The following ZZZ3 variants were observed in gnomAD, a reference collection of about 807,000 sequenced individuals.
ZZZ3 encodes ZZ-type zinc finger-containing protein 3.
ZZZ3 carries 22 observed loss-of-function variants against 95.2 expected under a neutral mutation model. The ratio of observed to expected loss-of-function variants is 0.23; its 90% CI spans 0.17 to 0.33. ZZZ3 has a LOEUF of 0.33. Ranked by LOEUF, ZZZ3 falls within the 10% of genes least tolerant of loss-of-function variation. ZZZ3 has a pLI of 1.00. For missense variants in ZZZ3, 885 were observed against 1,066.5 expected (o/e 0.83, Z 2.37); for synonymous variants, 335 against 358.9 (o/e 0.93, Z 0.75).
In ZZZ3 at chr1:77,566,139, G is replaced by A; in HGVS notation, c.2509C>T (p.His837Tyr). 1.9e-6 allele frequency: 3 copies of A among 1,613,312 alleles called. No individual in the cohort carries two copies. Among genetic ancestry groups the A allele is most frequent in the Non-Finnish European group, 2.5e-6 (3 of 1,179,552 alleles). Reference protein sequence around the residue: ...GIEPIQGVRWHCQDCPPEMSL... With the variant: ...GIEPIQGVRWYCQDCPPEMSL... ...ATTTCTGGAGGACAATCCTGGCAAT[G>A]CCACCGAACACCCTGGATGGGTTCT... Residue 837 changes from histidine (H) to tyrosine (Y), a missense_variant, in exon 14 of 15, where the codon CAT (histidine) becomes TAT (tyrosine). His to Tyr is a moderately conservative substitution (Grantham distance 83). Coordinates refer to ENST00000370801, the MANE Select transcript of ZZZ3 (RefSeq NM_015534.6).
chr1:77,618,767 G>A (rs1666578028), intron 5 of ZZZ3, among the ~76,000 whole-genome samples: 1 of 152,100 alleles, frequency 6.6e-6, no homozygotes, highest in African/African-American at 2.4e-5. Context: ...GCTTAAAGAA[G>A]TTATTTACTA....
At chr1:77,608,553 A>G (rs1379190651) in intron 5 of ZZZ3, among the ~76,000 whole-genome samples, 1 of 152,234 alleles carries the variant, frequency 6.6e-6, no homozygotes, top group African/African-American at 2.4e-5. Flanking sequence ...ATAAGAAATC[A>G]TCTGAAGGTA....
chr1:77,571,570 C>T (rs1243653667), intron 12 of ZZZ3, among the ~76,000 whole-genome samples: 1 of 152,126 alleles, frequency 6.6e-6, no homozygotes. Context: ...CAAAATGTGG[C>T]ATACAATATT....
intron 1 of ZZZ3, among the ~76,000 whole-genome samples, chr1:77,662,643 A>T (rs1670902654): frequency 6.6e-6 from 1 of 152,084 alleles, no homozygotes; most frequent in Non-Finnish European, 1.5e-5. Flanking sequence ...ATTTGAGGCC[A>T]GGCCGGACAT....
In ZZZ3 at chr1:77,600,487, T is replaced by C. The variant is rs1249108135; in HGVS notation, c.1506-15832A>G. 2.6e-5 allele frequency among the ~76,000 whole-genome samples: 4 copies of C among 152,234 alleles called. No individual in the cohort carries two copies. The East Asian group carries it at 7.7e-4, about 29-fold the overall frequency. On this transcript the variant is annotated intron_variant, in intron 5 of 14. Coordinates refer to ENST00000370801, the MANE Select transcript of ZZZ3 (RefSeq NM_015534.6). ...AATTATATTTATTTGCACAGTTAAG[T>C]AAATAAAATACGAGGTGTTAAGTGC... is the stretch of plus-strand genomic sequence containing the variant.
At chr1:77,618,958 T>C (rs542925701) in intron 5 of ZZZ3, among the ~76,000 whole-genome samples, 1 of 152,292 alleles carries the variant, frequency 6.6e-6, no homozygotes, top group South Asian at 2.1e-4. Context: ...TTTCTAAATA[T>C]ATGCCACAGA....
chr1:77,600,027 T>TA (rs1247493824), intron 5 of ZZZ3, among the ~76,000 whole-genome samples: 1 of 152,140 alleles, frequency 6.6e-6, no homozygotes, highest in African/African-American at 2.4e-5. Context: ...TGGCCTCTAT[T>TA]ACAATGGTTA....
At chr1:77,614,796 A>C (rs540936552) in intron 5 of ZZZ3, 13 of 152,344 alleles carry the variant, frequency 8.5e-5, no homozygotes, top group African/African-American at 3.1e-4. Context: ...TTCAGGTTCT[A>C]ACCATGGTCA....
chr1:77,680,252 T>C (rs1340780205), intron 1 of ZZZ3, among the ~76,000 whole-genome samples: 1 of 152,190 alleles, frequency 6.6e-6, no homozygotes, highest in African/African-American at 2.4e-5. Context: ...CCCAGAACTA[T>C]CTAAAAAAGA....
chr1:77,661,230 T>C (rs1670752987), intron 1 of ZZZ3, among the ~76,000 whole-genome samples: 2 of 151,882 alleles, frequency 1.3e-5, no homozygotes, highest in Admixed American at 1.3e-4. Context: ...CTAGCCAACA[T>C]AGTGAAACCC....
intron 1 of ZZZ3, among the ~76,000 whole-genome samples, chr1:77,656,637 T>C (rs1427911784): frequency 6.6e-6 from 1 of 152,204 alleles, no homozygotes; most frequent in African/African-American, 2.4e-5. Flanking sequence ...ATATGCACCA[T>C]TGCTCTAAAT....
chr1:77,598,887 T>G (rs1368173289), intron 5 of ZZZ3, among the ~76,000 whole-genome samples: 6 of 152,312 alleles, frequency 3.9e-5, no homozygotes, highest in South Asian at 4.1e-4. Flanking sequence ...GTTATATAAC[T>G]TTAGCTATTA....
rs530173524 is a variant in ZZZ3 at position 77,579,752 on chromosome 1, G to A, written c.1981-124C>T. 30 of 557,558 alleles carry A rather than the reference G, an allele frequency of 5.4e-5. No individual in the cohort carries two copies. The South Asian group carries it at 7.0e-4, about 13-fold the overall frequency. 34.5% of individuals were successfully genotyped at this position (557,558 alleles called of 1,614,324 possible). ...ACTCTCTCCCACCTTTGGGGGTTAC[G>A]TAATTAGAAATCCTCATGGTAGGAA... On this transcript the variant is annotated intron_variant, in intron 9 of 14. Coordinates refer to ENST00000370801, the MANE Select transcript of ZZZ3 (RefSeq NM_015534.6).
At position 77,639,495 on chromosome 1, in the gene ZZZ3, T is replaced by A. The variant is rs1668580924; in HGVS notation, c.-98A>T. ...ATTGTGGAAATATAATCTCTTTTCC[T>A]TATATCCTGAAGGAGTTGGAGCTAT... On this transcript the variant is annotated 5_prime_UTR_variant, in exon 4 of 15. In the 5' UTR this introduces an upstream ATG that the reference lacks. Transcript: ENST00000370801. The A allele has an allele frequency of 2.7e-6, 4 of 1,499,244 alleles. No individual in the cohort carries two copies. The African/African-American group carries it at 5.7e-5, about 21-fold the overall frequency. The allele number at this position is 1,499,244 out of a possible 1,614,324, so 92.9% of individuals were successfully genotyped here.
At chr1:77,640,825 C>G (rs551327415) in intron 3 of ZZZ3, 34 of 152,174 alleles carry the variant, frequency 2.2e-4, no homozygotes, top group African/African-American at 7.7e-4. Context: ...AATTACTAGG[C>G]AGACTTACTG....
chr1:77,587,459 T>C (rs997419574), intron 5 of ZZZ3, among the ~76,000 whole-genome samples: 1 of 151,788 alleles, frequency 6.6e-6, no homozygotes, highest in Admixed American at 6.6e-5. Flanking sequence ...AGAGATGGGG[T>C]TTCACCATGT....
intron 5 of ZZZ3, among the ~76,000 whole-genome samples, chr1:77,631,041 T>A (rs139676070): frequency 1.4e-4 from 22 of 152,362 alleles, no homozygotes; most frequent in Non-Finnish European, 2.6e-4. Context: ...GCACTGTGTG[T>A]TCTAGTTCTT....
chr1:77,565,956 A>C lies in ZZZ3; in HGVS notation c.2567+125T>G, dbSNP rs112262560. 1.4e-5 allele frequency: 16 copies of C among 1,113,124 alleles called. 1 individual carries two copies. The Middle Eastern group carries it at 1.1e-3, about 75-fold the overall frequency. The allele number at this position is 1,113,124 out of a possible 1,614,324, so 69.0% of individuals were successfully genotyped here. On this transcript the variant is annotated intron_variant, in intron 14 of 14. Transcript: ENST00000370801. ...TACAGAAAAAAATTAATTGCCTAGA[A>C]CAACAAAATTTAATTCACTAAGTGT...
chr1:77,583,821 A>G (rs1229331228), intron 6 of ZZZ3, among the ~76,000 whole-genome samples: 1 of 152,184 alleles, frequency 6.6e-6, no homozygotes, highest in African/African-American at 2.4e-5. Context: ...TTAATGAACA[A>G]TTAGTGGGTC....
Sources: allele counts gnomAD v4.1 joint callset (sites outside exome capture counted in the v4.1 genomes callset), GRCh38; gene constraint gnomAD v4.1.1; transcripts MANE v1.5; gene names NCBI Gene and HGNC (gene_info 2026-07-23, HGNC 2026-07-21).